Variants in GPBP1 observed in about 807,000 individuals in gnomAD.
GPBP1 encodes the protein vasculin.
A neutral mutation model predicts 56.5 loss-of-function variants in GPBP1; 13 were observed. The observed-to-expected ratio is 0.23, with a 90% CI of 0.15 to 0.37. The LOEUF (loss-of-function observed/expected upper bound fraction) is 0.37. Ranked by LOEUF, GPBP1 falls within the 10% of genes least tolerant of loss-of-function variation. GPBP1 has a pLI of 1.00. For missense variants in GPBP1, 477 were observed against 572.3 expected, an observed-to-expected ratio of 0.83 and a Z score of 1.70; for synonymous variants, 204 against 188.9, an observed-to-expected ratio of 1.08 and a Z score of -0.66.
At chr5:57,193,203 G>T (rs1272001598) in intron 2 of GPBP1, among the ~76,000 whole-genome samples, 1 of 152,072 alleles carries the variant, frequency 6.6e-6, no homozygotes, top group East Asian at 1.9e-4. Context: ...TGTAATCCCA[G>T]ATACTCAGGA....
In GPBP1 at chr5:57,216,812, T is replaced by TTA. The variant is rs533192975; in HGVS notation, c.63+2619_63+2620insTA. Among the ~76,000 whole-genome samples, 44 of 152,294 alleles carry TTA rather than the reference T, an allele frequency of 2.9e-4. No homozygotes were observed. In the East Asian group the frequency reaches 8.3e-3, roughly 29 times the overall value. ...TTTCTGTACTATTCTTCTGATAACC[T>TTA]GCTTTACTTTCTCCTTATGAACATT... On this transcript the variant is annotated intron_variant, in intron 3 of 11. Transcript: ENST00000506184.
Position 57,262,744 on chromosome 5 carries a change from G to T in GPBP1, c.1414G>T (p.Asp472Tyr), listed in dbSNP as rs748673696. The T allele has an allele frequency of 6.2e-7, 1 of 1,612,722 alleles. No homozygotes were observed. Among genetic ancestry groups the T allele is most frequent in the Non-Finnish European group, 8.5e-7 (1 of 1,179,148 alleles). The part of the protein sequence containing the change: ...TSSSDTSDDD[D>Y]V The stretch of plus-strand genomic sequence containing the variant: ...TAGCAGTGATACATCAGATGACGAC[G>T]ATGTGTGAAGGATTTCCTAACAGCT... The change falls in exon 12 of 12, where the codon GAT becomes TAT. Residue 472 changes from aspartate to tyrosine, a missense_variant. Transcript: ENST00000506184.
At chr5:57,196,460 C>T (rs1398050782) in intron 2 of GPBP1, among the ~76,000 whole-genome samples, 2 of 152,188 alleles carry the variant, frequency 1.3e-5, no homozygotes, top group Admixed American at 1.3e-4. Context: ...TACCTTAGTG[C>T]ACCTTTGTTT....
At chr5:57,249,672 C>T (rs1336054590) in intron 9 of GPBP1, 96 bp downstream of exon 9, 3 of 1,031,476 alleles carry the variant, frequency 2.9e-6, no homozygotes, top group Non-Finnish European at 4.1e-6. Context: ...GAATCATTTC[C>T]TTGGAAAGAA....
intron 10 of GPBP1, among the ~76,000 whole-genome samples, chr5:57,254,644 G>A (rs1401155818): frequency 2.7e-5 from 4 of 150,374 alleles, no homozygotes; most frequent in African/African-American, 4.9e-5. Context: ...GCAGTGAGCC[G>A]AGATCGTGCC....
chr5:57,252,015 A>G (rs756486638), intron 10 of GPBP1, among the ~76,000 whole-genome samples: 47 of 152,124 alleles, frequency 3.1e-4, no homozygotes, highest in Non-Finnish European at 5.3e-4. Flanking sequence ...TTTTCTTACT[A>G]AGTTGTAAGA....
At position 57,229,734 on chromosome 5, in the gene GPBP1, G is replaced by A. The variant is rs185347646; in HGVS notation, c.64-1112G>A. Among the ~76,000 whole-genome samples the A allele has an allele frequency of 5.1e-3, 775 of 151,338 alleles. 9 individuals are homozygous for A. Among genetic ancestry groups the A allele is most frequent in the African/African-American group, 0.016 (660 of 41,268 alleles). On this transcript the variant is annotated intron_variant, in intron 3 of 11. Coordinates refer to ENST00000506184, the MANE Select transcript of GPBP1 (RefSeq NM_022913.4). The stretch of plus-strand genomic sequence containing the variant: ...TTTTTTGTAGAGATGGGGTTTCACT[G>A]TGTTGGCCGGACTGGTCTGGTCTCG...
intron 10 of GPBP1, among the ~76,000 whole-genome samples, chr5:57,251,432 T>G (rs1043611314): frequency 1.3e-5 from 2 of 152,204 alleles, no homozygotes; most frequent in African/African-American, 2.4e-5. Flanking sequence ...ATGTCTAGCT[T>G]CTTTCACTAA....
At position 57,230,884 on chromosome 5, in the gene GPBP1, A is replaced by C. The variant is rs371956838; in HGVS notation, c.102A>C (p.Ala34=). ...LNFEKHSENF[A]WTENRYDVNR... is the part of the protein sequence containing the mutation. ...TTGAGAAGCATTCTGAAAACTTTGC[A>C]TGGACAGAGAATCGTTATGATGTGA... Residue 34 remains alanine (A), a synonymous_variant, in exon 4 of 12, where the codon GCA becomes GCC. Coordinates refer to ENST00000506184, the MANE Select transcript of GPBP1 (RefSeq NM_022913.4). 1 of 1,611,030 alleles carries C rather than the reference A, an allele frequency of 6.2e-7. No individual in the cohort carries two copies. The highest frequency in any genetic ancestry group is 8.5e-7 in the Non-Finnish European group (1 of 1,178,808).
At position 57,220,742 on chromosome 5, in the gene GPBP1, G is replaced by A. The variant is rs537170546; in HGVS notation, c.63+6549G>A. Among the ~76,000 whole-genome samples, 12 of 152,224 alleles carry A rather than the reference G, an allele frequency of 7.9e-5. No homozygotes were observed. In the East Asian group the frequency reaches 1.4e-3, roughly 17 times the overall value. Reference sequence around the variant, plus strand: ...CTCATAGTGCTAGGATTACAGGCACGAGCCACTGCACCCCGCCCAATTTGA... The same window carrying A: ...CTCATAGTGCTAGGATTACAGGCACAAGCCACTGCACCCCGCCCAATTTGA... On this transcript the variant is annotated intron_variant, in intron 3 of 11. Coordinates refer to ENST00000506184, the MANE Select transcript of GPBP1 (RefSeq NM_022913.4).
intron 3 of GPBP1, among the ~76,000 whole-genome samples, chr5:57,219,944 C>T (rs765850662): frequency 1.1e-4 from 17 of 151,098 alleles, no homozygotes; most frequent in Non-Finnish European, 2.2e-4. Context: ...CCTAGCTACT[C>T]GGGAGGCTGA....
intron 2 of GPBP1, among the ~76,000 whole-genome samples, chr5:57,177,457 TTGTC>T (rs1205431661): frequency 2.6e-5 from 4 of 152,094 alleles, no homozygotes; most frequent in African/African-American, 7.2e-5. Context: ...TTTCAATTAA[TTGTC>T]TTTCTGAGAC....
intron 3 of GPBP1, among the ~76,000 whole-genome samples, chr5:57,222,036 T>G (rs1755977899): frequency 1.3e-5 from 2 of 152,110 alleles, no homozygotes; most frequent in Non-Finnish European, 2.9e-5. Context: ...TTTTGTTTTT[T>G]TGTTTTGTTT....
chr5:57,180,528 C>A (rs186193999), intron 2 of GPBP1, among the ~76,000 whole-genome samples: 1 of 151,996 alleles, frequency 6.6e-6, no homozygotes, highest in African/African-American at 2.4e-5. Flanking sequence ...GTTTAGGTAA[C>A]GTTTAGATCC....
chr5:57,176,707 C>G (rs1753801827), intron 2 of GPBP1, among the ~76,000 whole-genome samples: 1 of 152,136 alleles, frequency 6.6e-6, no homozygotes, highest in South Asian at 2.1e-4. Context: ...AAGATTCATT[C>G]ACAGTGGTAG....
intron 2 of GPBP1, among the ~76,000 whole-genome samples, chr5:57,198,716 G>GC (rs1754871757): frequency 6.6e-6 from 1 of 152,086 alleles, no homozygotes; most frequent in Non-Finnish European, 1.5e-5. Context: ...GAGCATGGTG[G>GC]CGCGTGCCTG....
At chr5:57,181,697 AC>A (rs1754057997) in intron 2 of GPBP1, among the ~76,000 whole-genome samples, 2 of 152,146 alleles carry the variant, frequency 1.3e-5, no homozygotes, top group Non-Finnish European at 2.9e-5. Flanking sequence ...TGCTGGAATT[AC>A]AGGTGTGAGC....
Position 57,263,122 on chromosome 5 carries a change from G to A in GPBP1, c.*370G>A, listed in dbSNP as rs17735275. 0.025 allele frequency: 4,049 copies of A among 159,192 alleles called. 73 individuals are homozygous for A. Among genetic ancestry groups the A allele is most frequent in the Non-Finnish European group, 0.039 (2,851 of 72,592 alleles). 9.9% of individuals were successfully genotyped at this position (159,192 alleles called of 1,614,324 possible). On this transcript the variant is annotated 3_prime_UTR_variant, in exon 12 of 12. Coordinates refer to ENST00000506184, the MANE Select transcript of GPBP1 (RefSeq NM_022913.4). ...AAAATGTCCAGGTCTTAAGAAAAAA[G>A]GCAGCTTACACTGTTTTGCTTGCAG...
chr5:57,174,562 C>T (rs750035989), intron 1 of GPBP1, among the ~76,000 whole-genome samples: 1 of 152,156 alleles, frequency 6.6e-6, no homozygotes, highest in Non-Finnish European at 1.5e-5. Context: ...ACACGCCCGC[C>T]TGGTTTTGCA....
Sources: gnomAD v4.1 joint callset for allele counts (sites outside exome capture counted in the v4.1 genomes callset) on GRCh38, gnomAD v4.1.1 for gene constraint, MANE v1.5 for transcripts, NCBI Gene and HGNC (gene_info 2026-07-23, HGNC 2026-07-21) for gene names.